STK3: variants seen among roughly 807,000 people sequenced by gnomAD.
The protein encoded by STK3 is serine/threonine-protein kinase 3.
A neutral mutation model predicts 58.0 loss-of-function variants in STK3; 41 were observed. That is an observed-to-expected ratio of 0.71 (90% CI 0.55 to 0.92). The LOEUF (loss-of-function observed/expected upper bound fraction) is 0.92, where lower values mean the gene tolerates loss of function less well. STK3 is among the 40% of genes least tolerant of loss of function. The probability of loss-of-function intolerance (pLI) is 0.00; values close to 1 mark genes in which losing one functional copy is unlikely to be tolerated. For synonymous variants in STK3, 170 were observed against 191.0 expected, an observed-to-expected ratio of 0.89 and a Z score of 0.91; for missense variants, 479 against 602.7, an observed-to-expected ratio of 0.79 and a Z score of 2.15.
At chr8:98,493,541 T>G (rs1167050759) in intron 10 of STK3, among the ~76,000 whole-genome samples, 1 of 152,222 alleles carries the variant, frequency 6.6e-6, no homozygotes, top group Non-Finnish European at 1.5e-5. Context: ...TACACATTCA[T>G]TTCCTCTTTC....
intron 3 of STK3, among the ~76,000 whole-genome samples, chr8:98,420,546 G>A (rs1275729458): frequency 2.0e-5 from 3 of 152,210 alleles, no homozygotes; most frequent in African/African-American, 7.2e-5. Flanking sequence ...ATCCCCTGCA[G>A]ATAAGGGGGG....
At chr8:98,698,449 T>C (rs559164841) in intron 6 of STK3, among the ~76,000 whole-genome samples, 204 of 152,338 alleles carry the variant, frequency 1.3e-3, no homozygotes, top group Non-Finnish European at 2.1e-3. Context: ...ATACAGTTTC[T>C]TCCTAGCCTC....
At chr8:98,488,791 T>C (rs915839339) in intron 10 of STK3, among the ~76,000 whole-genome samples, 1 of 152,222 alleles carries the variant, frequency 6.6e-6, no homozygotes, top group Admixed American at 6.5e-5. Context: ...CTAATATCTA[T>C]TCTACCTTTC....
At chr8:98,932,966 C>T (rs1205339310) in intron 1 of STK3, among the ~76,000 whole-genome samples, 3 of 152,212 alleles carry the variant, frequency 2.0e-5, no homozygotes, top group African/African-American at 7.2e-5. Context: ...GAAAAGTCAG[C>T]TAGTTTGAGG....
At chr8:98,422,933 G>C (rs1818190341) in intron 3 of STK3, among the ~76,000 whole-genome samples, 1 of 152,146 alleles carries the variant, frequency 6.6e-6, no homozygotes, top group Non-Finnish European at 1.5e-5. Flanking sequence ...GAGGCCCAAG[G>C]CATCTAGGAG....
At chr8:98,586,049 C>A (rs1045316080) in intron 7 of STK3, among the ~76,000 whole-genome samples, 4 of 152,148 alleles carry the variant, frequency 2.6e-5, no homozygotes, top group East Asian at 1.9e-4. Context: ...CAGACAGGGA[C>A]AATTTGACTT....
chr8:98,672,526 T>C lies in STK3; in HGVS notation c.684+33941A>G, dbSNP rs529170722. Among the ~76,000 whole-genome samples the C allele has an allele frequency of 3.8e-4, 58 of 152,356 alleles. 1 individual carries two copies. Among genetic ancestry groups the C allele is most frequent in the Admixed American group, 1.9e-3 (29 of 15,300 alleles). On this transcript the variant is annotated intron_variant, in intron 6 of 10. Coordinates refer to ENST00000419617, the MANE Select transcript of STK3 (RefSeq NM_006281.4). ...TCTCATCTACATGTCCTCAAGCTAA[T>C]TACTTAAACAACATCACCATCTCTT...
chr8:98,783,560 T>C (rs1832257530), intron 1 of STK3, among the ~76,000 whole-genome samples: 1 of 152,192 alleles, frequency 6.6e-6, no homozygotes, highest in Non-Finnish European at 1.5e-5. Context: ...AGGGTGGTGG[T>C]TGCAAAAGGT....
At position 98,590,255 on chromosome 8, in the gene STK3, G is replaced by C. The variant is rs142173582; in HGVS notation, c.822+5777C>G. On this transcript the variant is annotated intron_variant, in intron 7 of 10. Transcript: ENST00000419617. ...AGGTGGTTGTCTTTGGATCTGCTCTGTTCCTGTGCACCTCTTCTTGGAATA... is the reference window on the plus strand; with the variant it reads ...AGGTGGTTGTCTTTGGATCTGCTCTCTTCCTGTGCACCTCTTCTTGGAATA... 3.0e-4 allele frequency among the ~76,000 whole-genome samples: 45 copies of C among 152,336 alleles called. No homozygotes were observed. The East Asian group carries it at 8.7e-3, about 29-fold the overall frequency.
In STK3 at chr8:98,768,129, G is replaced by A. The variant is rs372699599; in HGVS notation, c.108-758C>T. On this transcript the variant is annotated intron_variant, in intron 2 of 10. Transcript: ENST00000419617. Reference sequence around the variant, plus strand: ...TAAAAACGAGGTTAAACACTACTATGTACTGAGTTCTTACTATAAACCAGG... The same window carrying A: ...TAAAAACGAGGTTAAACACTACTATATACTGAGTTCTTACTATAAACCAGG... Among the ~76,000 whole-genome samples, 229 of 152,284 alleles carry A rather than the reference G, an allele frequency of 1.5e-3. 1 individual carries two copies. The highest frequency in any genetic ancestry group is 5.2e-3 in the African/African-American group (217 of 41,552).
chr8:98,583,799 G>C (rs2131748841), intron 7 of STK3, among the ~76,000 whole-genome samples: 1 of 152,008 alleles, frequency 6.6e-6, no homozygotes, highest in South Asian at 2.1e-4. Flanking sequence ...AAGTAGATGA[G>C]AAAATAAGCT....
At chr8:98,693,444 A>G (rs961361933) in intron 6 of STK3, among the ~76,000 whole-genome samples, 2 of 152,172 alleles carry the variant, frequency 1.3e-5, no homozygotes, top group Admixed American at 1.3e-4. Context: ...AAAATGCAAT[A>G]TGGAGATGTA....
intron 1 of STK3, among the ~76,000 whole-genome samples, chr8:98,778,655 A>C (rs1831882277): frequency 6.6e-6 from 1 of 152,142 alleles, no homozygotes; most frequent in Admixed American, 6.5e-5. Flanking sequence ...GATAGACTGG[A>C]TTAAGAAAAT....
At chr8:98,426,992 C>G (rs1408847134) in intron 3 of STK3, 13 of 150,260 alleles carry the variant, frequency 8.7e-5, no homozygotes, top group East Asian at 4.0e-4. Context: ...GCGGGCGCCC[C>G]GTCACACCCG....
chr8:98,638,913 T>C (rs1243757417), intron 6 of STK3, among the ~76,000 whole-genome samples: 1 of 152,308 alleles, frequency 6.6e-6, no homozygotes, highest in East Asian at 1.9e-4. Flanking sequence ...TTTAATGTAG[T>C]AATTACTATT....
chr8:98,634,883 AG>A (rs1230819442), intron 6 of STK3, among the ~76,000 whole-genome samples: 1 of 152,148 alleles, frequency 6.6e-6, no homozygotes, highest in East Asian at 1.9e-4. Flanking sequence ...CAGCCTCCCA[AG>A]TAGCTGGGAC....
intron 1 of STK3, among the ~76,000 whole-genome samples, chr8:98,793,110 T>C (rs905184845): frequency 2.6e-5 from 4 of 152,064 alleles, no homozygotes; most frequent in African/African-American, 7.2e-5. Flanking sequence ...CTCACTGATA[T>C]GTGGGAGCTA....
intron 6 of STK3, among the ~76,000 whole-genome samples, chr8:98,672,801 A>G (rs1020598737): frequency 4.6e-5 from 7 of 152,220 alleles, no homozygotes; most frequent in Non-Finnish European, 1.0e-4. Context: ...AGAATTCTGG[A>G]AAACTGCCAA....
intron 8 of STK3, among the ~76,000 whole-genome samples, chr8:98,578,238 A>C (rs958403208): frequency 1.3e-5 from 2 of 152,230 alleles, no homozygotes; most frequent in African/African-American, 4.8e-5. Flanking sequence ...CCCTGAGAGC[A>C]AGAACCAAGG....
Sources: allele counts gnomAD v4.1 joint callset (sites outside exome capture counted in the v4.1 genomes callset), GRCh38; gene constraint gnomAD v4.1.1; transcripts MANE v1.5; gene names NCBI Gene and HGNC (gene_info 2026-07-23, HGNC 2026-07-21).